MIR2052HG: variants seen among roughly 807,000 people sequenced by gnomAD.
MIR2052HG encodes the protein MIR2052 host gene.
At chr8:74,690,380 T>C (rs1324662101) in intron 2 of MIR2052HG, among the ~76,000 whole-genome samples, 2 of 152,164 alleles carry the variant, frequency 1.3e-5, no homozygotes, top group Admixed American at 6.5e-5. Flanking sequence ...TGTGAGCTAA[T>C]GTACAGAGGC....
At chr8:74,726,432 G>A (rs1008316764) in intron 4 of MIR2052HG, among the ~76,000 whole-genome samples, 2 of 152,132 alleles carry the variant, frequency 1.3e-5, no homozygotes, top group South Asian at 2.1e-4. Flanking sequence ...CCAAGCGATT[G>A]GTAAGAGTTC....
intron 4 of MIR2052HG, among the ~76,000 whole-genome samples, chr8:74,727,976 A>G (rs1375264318): frequency 1.3e-5 from 2 of 150,754 alleles, no homozygotes; most frequent in Admixed American, 1.3e-4. Context: ...TAAAGTGCCA[A>G]CCAAATGGCT....
intron 4 of MIR2052HG, among the ~76,000 whole-genome samples, chr8:74,750,874 A>T (rs562002680): frequency 1.3e-5 from 2 of 152,228 alleles, no homozygotes; most frequent in African/African-American, 2.4e-5. Context: ...TTCATGAAAG[A>T]GCAAAAATTT....
intron 4 of MIR2052HG, among the ~76,000 whole-genome samples, chr8:74,732,879 G>A (rs1809706974): frequency 6.6e-6 from 1 of 152,084 alleles, no homozygotes; most frequent in African/African-American, 2.4e-5. Context: ...GGAGGTGGGT[G>A]AAGGCTGACT....
chr8:74,725,793 C>T (rs1439569263), intron 4 of MIR2052HG, among the ~76,000 whole-genome samples: 1 of 152,118 alleles, frequency 6.6e-6, no homozygotes, highest in Non-Finnish European at 1.5e-5. Flanking sequence ...AATATACCTG[C>T]CTTTGTAGTC....
chr8:74,649,337 TG>T lies in MIR2052HG; in HGVS notation n.216+36398del, dbSNP rs1199173696. Among the ~76,000 whole-genome samples the T allele has an allele frequency of 2.0e-5, 3 of 152,150 alleles. No homozygotes were observed. The East Asian group carries it at 5.8e-4, about 29-fold the overall frequency. On this transcript the variant is annotated intron_variant and non_coding_transcript_variant, in intron 2 of 6. Coordinates refer to ENST00000523442, the Ensembl canonical transcript of MIR2052HG. ...GTCAGTTCCTTCGGTTTTGCATTTT[TG>T]TGTGTGTGATTTAGTGCTATTAAAA...
chr8:74,659,712 G>A (rs1470433240), intron 2 of MIR2052HG, among the ~76,000 whole-genome samples: 2 of 152,144 alleles, frequency 1.3e-5, no homozygotes, highest in Admixed American at 6.5e-5. Flanking sequence ...TCCTAAAGTG[G>A]TGGGACTACA....
intron 4 of MIR2052HG, among the ~76,000 whole-genome samples, chr8:74,710,414 G>A (rs998219679): frequency 6.6e-6 from 1 of 152,112 alleles, no homozygotes; most frequent in African/African-American, 2.4e-5. Flanking sequence ...GAGGCAACTT[G>A]GGGATTTTGC....
chr8:74,634,537 T>C (rs150184466), intron 2 of MIR2052HG, among the ~76,000 whole-genome samples: 242 of 152,304 alleles, frequency 1.6e-3, no homozygotes, highest in African/African-American at 5.6e-3. Context: ...TGAGTTTTAC[T>C]ATCGTTTTCA....
At chr8:74,747,833 T>C (rs1046689417) in intron 4 of MIR2052HG, among the ~76,000 whole-genome samples, 3 of 152,218 alleles carry the variant, frequency 2.0e-5, no homozygotes, top group African/African-American at 7.2e-5. Context: ...CAATCTATAA[T>C]GTATCATCAC....
intron 1 of MIR2052HG, among the ~76,000 whole-genome samples, chr8:74,600,599 A>AG (rs1807983670): frequency 2.6e-5 from 4 of 150,998 alleles, no homozygotes; most frequent in Non-Finnish European, 5.9e-5. Flanking sequence ...AAAAAAAAAA[A>AG]GAGACGGAGC....
intron 2 of MIR2052HG, among the ~76,000 whole-genome samples, chr8:74,669,623 C>T (rs1239976235): frequency 6.6e-6 from 1 of 152,152 alleles, no homozygotes; most frequent in African/African-American, 2.4e-5. Flanking sequence ...CATTGATAGG[C>T]TCACTACTTC....
intron 1 of MIR2052HG, among the ~76,000 whole-genome samples, chr8:74,608,742 A>G (rs1808148901): frequency 6.6e-6 from 1 of 152,152 alleles, no homozygotes; most frequent in Non-Finnish European, 1.5e-5. Context: ...AGAAAATATT[A>G]CGAACTGAAT....
chr8:74,627,128 A>G (rs188454032), intron 2 of MIR2052HG, among the ~76,000 whole-genome samples: 7 of 152,306 alleles, frequency 4.6e-5, no homozygotes, highest in African/African-American at 1.7e-4. Context: ...TAGGCCATCT[A>G]GAAAAATCCT....
At chr8:74,603,577 A>T (rs943864447) in intron 1 of MIR2052HG, 1 of 1,547,622 alleles carries the variant, frequency 6.5e-7, no homozygotes, top group Non-Finnish European at 8.9e-7. Flanking sequence ...GCCATGCGTC[A>T]TGGGAAAATG....
At chr8:74,659,736 A>C (rs376392000) in intron 2 of MIR2052HG, among the ~76,000 whole-genome samples, 3 of 152,166 alleles carry the variant, frequency 2.0e-5, no homozygotes, top group Non-Finnish European at 4.4e-5. Context: ...GTGAGTGTCC[A>C]TGCTGGCCAA....
chr8:74,746,304 TA>T, intron 4 of MIR2052HG, among the ~76,000 whole-genome samples: 1 of 152,322 alleles, frequency 6.6e-6, no homozygotes, highest in South Asian at 2.1e-4. Flanking sequence ...TGGAATAATA[TA>T]TGTTTAGTTC....
chr8:74,613,723 G>A (rs1247300997), intron 2 of MIR2052HG, among the ~76,000 whole-genome samples: 1 of 152,296 alleles, frequency 6.6e-6, no homozygotes, highest in Non-Finnish European at 1.5e-5. Flanking sequence ...CAGACCTCAC[G>A]TGATCCACCC....
chr8:74,714,783 C>A (rs1462506661), intron 4 of MIR2052HG, among the ~76,000 whole-genome samples: 3 of 149,298 alleles, frequency 2.0e-5, no homozygotes, highest in Non-Finnish European at 4.4e-5. Flanking sequence ...CGGCTCGCTG[C>A]AACCTCTCCC....
Sources: gnomAD v4.1 joint callset for allele counts (sites outside exome capture counted in the v4.1 genomes callset) on GRCh38, gnomAD v4.1.1 for gene constraint, MANE v1.5 for transcripts, NCBI Gene and HGNC (gene_info 2026-07-23, HGNC 2026-07-21) for gene names.